Variants in NTNG1 observed in about 807,000 individuals in gnomAD.
NTNG1 encodes the protein netrin G1, also known as netrin-G1.
NTNG1 carries 16 observed loss-of-function variants against 54.0 expected under a neutral mutation model. The observed-to-expected ratio is 0.30, with a 90% CI of 0.20 to 0.45. NTNG1 has a LOEUF of 0.45. NTNG1 is among the 20% of genes least tolerant of loss of function. The pLI is 1.00. For missense variants in NTNG1, 530 were observed against 678.7 expected (o/e 0.78, Z 2.43); for synonymous variants, 255 against 263.1 (o/e 0.97, Z 0.30).
chr1:107,306,406 C>T (rs746604654), intron 2 of NTNG1, among the ~76,000 whole-genome samples: 4 of 152,170 alleles, frequency 2.6e-5, no homozygotes, highest in Non-Finnish European at 5.9e-5. Flanking sequence ...TCATGTGGCT[C>T]ATGGCTCCCA....
At chr1:107,436,881 A>T in intron 7 of NTNG1, 82 bp downstream of exon 7, 1 of 1,316,734 alleles carries the variant, frequency 7.6e-7, no homozygotes, top group Non-Finnish European at 1.1e-6. Flanking sequence ...GCAGCTTCTC[A>T]GAGCAGAAAA....
intron 7 of NTNG1, among the ~76,000 whole-genome samples, chr1:107,465,633 G>A (rs573623192): frequency 6.6e-6 from 1 of 152,280 alleles, no homozygotes; most frequent in South Asian, 2.1e-4. Flanking sequence ...AGATCTTAAA[G>A]AATGGGTGGA....
At chr1:107,479,770 T>A (rs1290564337) in intron 7 of NTNG1, among the ~76,000 whole-genome samples, 1 of 152,224 alleles carries the variant, frequency 6.6e-6, no homozygotes, top group Non-Finnish European at 1.5e-5. Flanking sequence ...GAAAGTTACA[T>A]GACAGGGTCT....
intron 2 of NTNG1, among the ~76,000 whole-genome samples, chr1:107,206,658 A>G (rs567684101): frequency 2.0e-5 from 3 of 152,324 alleles, no homozygotes; most frequent in African/African-American, 7.2e-5. Context: ...AGCCACCACA[A>G]GGATTATTCC....
chr1:107,247,566 G>C (rs927471536), intron 2 of NTNG1, among the ~76,000 whole-genome samples: 6 of 152,024 alleles, frequency 3.9e-5, no homozygotes, highest in Admixed American at 2.0e-4. Context: ...TTCAATTTTT[G>C]CCTTAATACT....
intron 2 of NTNG1, among the ~76,000 whole-genome samples, chr1:107,218,764 G>C (rs980992883): frequency 4.6e-5 from 7 of 152,272 alleles, no homozygotes; most frequent in Non-Finnish European, 7.4e-5. Flanking sequence ...TTTGTTTAAG[G>C]AGGCTGAATA....
chr1:107,273,988 G>A (rs1204141478), intron 2 of NTNG1, among the ~76,000 whole-genome samples: 1 of 151,676 alleles, frequency 6.6e-6, no homozygotes, highest in Admixed American at 6.6e-5. Context: ...AAAGTTCTGT[G>A]TCTTTGGAAC....
intron 2 of NTNG1, among the ~76,000 whole-genome samples, chr1:107,193,696 A>T (rs916204758): frequency 6.6e-6 from 1 of 151,910 alleles, no homozygotes; most frequent in African/African-American, 2.4e-5. Context: ...TATATTTTTA[A>T]TGCCACCGTC....
chr1:107,210,618 C>T (rs1659535586), intron 2 of NTNG1, among the ~76,000 whole-genome samples: 1 of 152,164 alleles, frequency 6.6e-6, no homozygotes, highest in African/African-American at 2.4e-5. Context: ...TGTATTTCTT[C>T]ATCTGTGAAA....
At chr1:107,399,309 T>C (rs1265860676) in intron 4 of NTNG1, among the ~76,000 whole-genome samples, 1 of 152,170 alleles carries the variant, frequency 6.6e-6, no homozygotes, top group African/African-American at 2.4e-5. Context: ...GTCATGGAGA[T>C]AGACAGAAAA....
At chr1:107,259,811 A>G (rs1003364371) in intron 2 of NTNG1, among the ~76,000 whole-genome samples, 5 of 152,154 alleles carry the variant, frequency 3.3e-5, no homozygotes, top group Admixed American at 6.5e-5. Flanking sequence ...TCTTTTGATT[A>G]GGTCTCTACT....
intron 3 of NTNG1, among the ~76,000 whole-genome samples, chr1:107,367,208 C>G (rs1670648460): frequency 6.6e-6 from 1 of 152,090 alleles, no homozygotes; most frequent in Admixed American, 6.5e-5. Flanking sequence ...TGGACTTAGG[C>G]TTGGCCATTT....
chr1:107,161,585 C>T (rs1655397546), intron 2 of NTNG1, among the ~76,000 whole-genome samples: 1 of 150,932 alleles, frequency 6.6e-6, no homozygotes, highest in African/African-American at 2.4e-5. Flanking sequence ...CACTTGAACC[C>T]AAGGGGCAGT....
chr1:107,335,941 A>G (rs190667357), intron 3 of NTNG1, among the ~76,000 whole-genome samples: 108 of 152,076 alleles, frequency 7.1e-4, no homozygotes, highest in Non-Finnish European at 1.3e-3. Flanking sequence ...AGAAGACACA[A>G]ATAAATGGGA....
At chr1:107,155,597 G>A (rs1570722692) in intron 2 of NTNG1, among the ~76,000 whole-genome samples, 2 of 152,146 alleles carry the variant, frequency 1.3e-5, no homozygotes, top group East Asian at 1.9e-4. Context: ...ACTGTATTCT[G>A]ACTCTTTAAG....
rs563309727 is a variant in NTNG1, at chr1:107,483,821, A to G, written c.*2981A>G. 2.0e-5 allele frequency among the ~76,000 whole-genome samples: 3 copies of G among 152,352 alleles called. No individual in the cohort carries two copies. Among genetic ancestry groups the G allele is most frequent in the African/African-American group, 7.2e-5 (3 of 41,572 alleles). The stretch of plus-strand genomic sequence containing the variant: ...TGGGCATAACATTTCAAAAAATGGG[A>G]CAAAGGTTCAGCTATCTAGAAAGAT... On this transcript the variant is annotated 3_prime_UTR_variant, in exon 8 of 8. Coordinates refer to ENST00000370068, the MANE Select transcript of NTNG1 (RefSeq NM_001113226.3).
At chr1:107,290,448 AG>A (rs1341203991) in intron 2 of NTNG1, among the ~76,000 whole-genome samples, 1 of 152,124 alleles carries the variant, frequency 6.6e-6, no homozygotes, top group Non-Finnish European at 1.5e-5. Context: ...GTCACTGATT[AG>A]CTGTGTGACC....
intron 6 of NTNG1, among the ~76,000 whole-genome samples, chr1:107,433,081 CAAG>C (rs1675368847): frequency 6.6e-6 from 1 of 152,238 alleles, no homozygotes; most frequent in South Asian, 2.1e-4. Flanking sequence ...TTTTAAAAAT[CAAG>C]AAGAGTTTTC....
intron 2 of NTNG1, among the ~76,000 whole-genome samples, chr1:107,160,847 A>T (rs1416724722): frequency 6.6e-6 from 1 of 151,962 alleles, no homozygotes; most frequent in Non-Finnish European, 1.5e-5. Flanking sequence ...CCTAACTTTT[A>T]TTCAGGTCTC....
Sources: allele counts gnomAD v4.1 joint callset (sites outside exome capture counted in the v4.1 genomes callset), GRCh38; gene constraint gnomAD v4.1.1; transcripts MANE v1.5; gene names NCBI Gene and HGNC (gene_info 2026-07-23, HGNC 2026-07-21).